Variants in SHC3 observed in about 807,000 individuals in gnomAD.
SHC3 encodes the protein SHC-transforming protein 3.
A neutral mutation model predicts 60.4 loss-of-function variants in SHC3; 15 were observed. The ratio of observed to expected loss-of-function variants is 0.25; its 90% CI spans 0.17 to 0.38. The LOEUF is 0.38. Among genes scored for constraint, SHC3 ranks in the 10% least tolerant of loss-of-function variants. The pLI, the probability that SHC3 is intolerant of heterozygous loss-of-function variation, is 1.00. For synonymous variants in SHC3, 294 were observed against 325.9 expected, an observed-to-expected ratio of 0.90 and a Z score of 1.05; for missense variants, 677 against 786.1, an observed-to-expected ratio of 0.86 and a Z score of 1.66.
At chr9:89,084,199 C>T (rs1490317447) in intron 2 of SHC3, among the ~76,000 whole-genome samples, 1 of 152,148 alleles carries the variant, frequency 6.6e-6, no homozygotes, top group Non-Finnish European at 1.5e-5. Context: ...TTCCCTTACA[C>T]CTTAGCAGTT....
intron 1 of SHC3, among the ~76,000 whole-genome samples, chr9:89,157,371 A>G (rs770460477): frequency 2.6e-5 from 4 of 152,260 alleles, no homozygotes; most frequent in Non-Finnish European, 5.9e-5. Flanking sequence ...GCGTTCTCAC[A>G]GCTAGAAGCC....
intron 1 of SHC3, among the ~76,000 whole-genome samples, chr9:89,138,140 G>T (rs1320242119): frequency 6.6e-6 from 1 of 152,162 alleles, no homozygotes; most frequent in Non-Finnish European, 1.5e-5. Context: ...GAGGGCAAGG[G>T]TGACAGCAGA....
intron 1 of SHC3, among the ~76,000 whole-genome samples, chr9:89,161,644 G>A (rs1280512188): frequency 4.0e-5 from 6 of 151,812 alleles, no homozygotes; most frequent in African/African-American, 7.3e-5. Context: ...CATACTGAAT[G>A]GGCAAAAACT....
At chr9:89,127,291 G>A (rs1250473601) in intron 1 of SHC3, among the ~76,000 whole-genome samples, 1 of 152,110 alleles carries the variant, frequency 6.6e-6, no homozygotes, top group Non-Finnish European at 1.5e-5. Flanking sequence ...GCACCTGGGA[G>A]GTTACCTTTG....
chr9:89,008,315 T>C lies in SHC3; in HGVS notation c.*5132A>G, dbSNP rs944271710. ...AGCACGGACCCTGGGATCTGTGACATGAAGTGGTGTGAAAGCATAATTATA... is the reference window on the plus strand; with the variant it reads ...AGCACGGACCCTGGGATCTGTGACACGAAGTGGTGTGAAAGCATAATTATA... On this transcript the variant is annotated 3_prime_UTR_variant, in exon 12 of 12. Transcript: ENST00000375835. 1.3e-5 allele frequency: 2 copies of C among 152,168 alleles called. No individual in the cohort carries two copies. Among genetic ancestry groups the C allele is most frequent in the African/African-American group, 4.8e-5 (2 of 41,442 alleles). The allele number at this position is 152,168 out of a possible 1,614,324, so 9.4% of individuals were successfully genotyped here.
intron 2 of SHC3, among the ~76,000 whole-genome samples, chr9:89,081,227 A>T (rs1355208782): frequency 1.3e-5 from 2 of 152,232 alleles, no homozygotes; most frequent in Non-Finnish European, 2.9e-5. Flanking sequence ...AAAAGTCAGC[A>T]AGGAAACTAT....
chr9:89,028,130 C>G (rs184985093), intron 11 of SHC3, among the ~76,000 whole-genome samples: 3 of 152,310 alleles, frequency 2.0e-5, no homozygotes, highest in Admixed American at 2.0e-4. Flanking sequence ...CCTTCTCAAC[C>G]TAAAGTCTAA....
At chr9:89,130,078 G>A (rs1050029694) in intron 1 of SHC3, among the ~76,000 whole-genome samples, 22 of 152,004 alleles carry the variant, frequency 1.4e-4, no homozygotes, top group African/African-American at 4.8e-4. Context: ...CCAAGCAAAT[G>A]GAAAACAAAC....
At position 89,065,541 on chromosome 9, in the gene SHC3, CA is replaced by C; in HGVS notation, c.822del (p.Val275LeufsTer86). On this transcript the variant is annotated frameshift_variant, in exon 6 of 12. Coordinates refer to ENST00000375835, the MANE Select transcript of SHC3 (RefSeq NM_016848.6). LOFTEE classifies it high-confidence loss of function. ...TDYVAYVAKD[P>X]VNRRACHILE... ...AAGCACCGCTTACCTCTGCGATTAA[CA>C]GGGTCCTTAGCCACATATGCAACAT... 6.2e-7 allele frequency: 1 copy of C among 1,614,170 alleles called. No individual in the cohort carries two copies. Among genetic ancestry groups the C allele is most frequent in the Non-Finnish European group, 8.5e-7 (1 of 1,180,022 alleles).
At chr9:89,016,991 T>C (rs903672852) in intron 11 of SHC3, among the ~76,000 whole-genome samples, 1 of 152,050 alleles carries the variant, frequency 6.6e-6, no homozygotes, top group Non-Finnish European at 1.5e-5. Flanking sequence ...TAAAAAAAGG[T>C]CTTTTTTTCC....
chr9:89,045,847 TAAATACACAGA>T lies in SHC3; in HGVS notation c.1114-25_1114-15del. The T allele has an allele frequency of 1.9e-6, 3 of 1,610,456 alleles. No individual in the cohort carries two copies. Among genetic ancestry groups the T allele is most frequent in the Non-Finnish European group, 2.5e-6 (3 of 1,176,896 alleles). On this transcript the variant is annotated splice_polypyrimidine_tract_variant and intron_variant, in intron 8 of 11. Coordinates refer to ENST00000375835, the MANE Select transcript of SHC3 (RefSeq NM_016848.6). Reference sequence around the variant, plus strand: ...TTTTCCTGCAAACTATAGACACATGTAAATACACAGAATGAAAAAATTATTTTCTTCTCATT... The same window carrying T: ...TTTTCCTGCAAACTATAGACACATGTATGAAAAAATTATTTTCTTCTCATT...
At chr9:89,130,089 A>T (rs1474609919) in intron 1 of SHC3, among the ~76,000 whole-genome samples, 2 of 152,140 alleles carry the variant, frequency 1.3e-5, no homozygotes, top group East Asian at 3.9e-4. Flanking sequence ...GAAAACAAAC[A>T]AACAAAAAAA....
rs550290624 is a variant in SHC3, at chr9:89,089,511, G to C, written c.546-11608C>G. On this transcript the variant is annotated intron_variant, in intron 2 of 11. Coordinates refer to ENST00000375835, the MANE Select transcript of SHC3 (RefSeq NM_016848.6). ...TCACACACCACCAGAAGCCAGCACT[G>C]CCCTTAGGCAAGGGGGCAGCTGCTG... Among the ~76,000 whole-genome samples the C allele has an allele frequency of 2.6e-5, 4 of 152,302 alleles. No individual in the cohort carries two copies. In the East Asian group the frequency reaches 7.7e-4, roughly 29 times the overall value.
At position 89,130,269 on chromosome 9, in the gene SHC3, G is replaced by C. The variant is rs150008382; in HGVS notation, c.475-17643C>G. The stretch of plus-strand genomic sequence containing the variant: ...AGGAGCACCTAGATTTATAAAGCAA[G>C]TCCTTAGAGACCTACAAAGAGACTA... On this transcript the variant is annotated intron_variant, in intron 1 of 11. Transcript: ENST00000375835. Among the ~76,000 whole-genome samples, 89 of 152,218 alleles carry C rather than the reference G, an allele frequency of 5.8e-4. No homozygotes were observed. The South Asian group carries it at 6.8e-3, about 12-fold the overall frequency.
chr9:89,150,820 C>T lies in SHC3; in HGVS notation c.474+27167G>A, dbSNP rs548866834. ...GCAGCTGTACTATATTATGTTCCCA[C>T]CAGCTGTGTATTTTAAGCTGGGTTT... On this transcript the variant is annotated intron_variant, in intron 1 of 11. Coordinates refer to ENST00000375835, the MANE Select transcript of SHC3 (RefSeq NM_016848.6). 6.6e-5 allele frequency among the ~76,000 whole-genome samples: 10 copies of T among 152,272 alleles called. 1 individual carries two copies. In the East Asian group the frequency reaches 1.3e-3, roughly 21 times the overall value.
chr9:89,128,374 C>A (rs1462147886), intron 1 of SHC3, among the ~76,000 whole-genome samples: 1 of 152,040 alleles, frequency 6.6e-6, no homozygotes, highest in Non-Finnish European at 1.5e-5. Flanking sequence ...CCTAAACGTC[C>A]CTGTCTGACA....
At chr9:89,120,545 C>T (rs910377714) in intron 1 of SHC3, among the ~76,000 whole-genome samples, 2 of 152,182 alleles carry the variant, frequency 1.3e-5, no homozygotes, top group East Asian at 1.9e-4. Context: ...GGTGAGAACA[C>T]AGGAAAATGT....
chr9:89,050,443 G>A (rs1824844135), intron 7 of SHC3, among the ~76,000 whole-genome samples: 1 of 152,080 alleles, frequency 6.6e-6, no homozygotes, highest in African/African-American at 2.4e-5. Flanking sequence ...GCATCACCAT[G>A]CCCAACTAAT....
chr9:89,113,779 C>T (rs1825984205), intron 1 of SHC3, among the ~76,000 whole-genome samples: 1 of 152,222 alleles, frequency 6.6e-6, no homozygotes, highest in Non-Finnish European at 1.5e-5. Context: ...ACCTCAACCA[C>T]TGTGGCAGCA....
Sources: gnomAD v4.1 joint callset for allele counts (sites outside exome capture counted in the v4.1 genomes callset) on GRCh38, gnomAD v4.1.1 for gene constraint, MANE v1.5 for transcripts, NCBI Gene and HGNC (gene_info 2026-07-23, HGNC 2026-07-21) for gene names.